Variants in NRG3 observed in about 807,000 individuals in gnomAD.
NRG3 encodes neuregulin 3.
A neutral mutation model predicts 66.9 loss-of-function variants in NRG3; 31 were observed. The ratio of observed to expected loss-of-function variants is 0.46; its 90% CI spans 0.35 to 0.63. NRG3 has a LOEUF of 0.63. Ranked by LOEUF, NRG3 falls within the 20% of genes least tolerant of loss-of-function variation. NRG3 has a pLI of 0.00. For synonymous variants in NRG3, 393 were observed against 359.4 expected, an observed-to-expected ratio of 1.09 and a Z score of -1.06; for missense variants, 910 against 878.9, an observed-to-expected ratio of 1.04 and a Z score of -0.45.
At chr10:82,971,607 T>G (rs1851748856) in intron 6 of NRG3, among the ~76,000 whole-genome samples, 1 of 152,042 alleles carries the variant, frequency 6.6e-6, no homozygotes, top group Non-Finnish European at 1.5e-5. Context: ...CAGCTAATTT[T>G]TGTACTTTTA....
At chr10:82,646,376 A>G (rs1038319942) in intron 2 of NRG3, among the ~76,000 whole-genome samples, 2 of 152,114 alleles carry the variant, frequency 1.3e-5, no homozygotes, top group African/African-American at 4.8e-5. Context: ...GGATGGGGAG[A>G]CTTCTCAACC....
At chr10:82,152,509 T>A (rs1160446905) in intron 1 of NRG3, among the ~76,000 whole-genome samples, 1 of 152,112 alleles carries the variant, frequency 6.6e-6, no homozygotes, top group Non-Finnish European at 1.5e-5. Flanking sequence ...TCTGAACTAT[T>A]TCTTTTTTTT....
intron 3 of NRG3, among the ~76,000 whole-genome samples, chr10:82,813,572 T>G (rs150517845): frequency 6.6e-6 from 1 of 152,200 alleles, no homozygotes; most frequent in African/African-American, 2.4e-5. Flanking sequence ...TGCTTCCATA[T>G]GAGACTTCCT....
intron 1 of NRG3, among the ~76,000 whole-genome samples, chr10:82,235,822 CGT>C (rs1176703051): frequency 2.0e-5 from 3 of 152,162 alleles, no homozygotes; most frequent in African/African-American, 4.8e-5. Flanking sequence ...AGTTGTCCAG[CGT>C]GTGTCACTTG....
chr10:82,410,650 C>A (rs1440436593), intron 2 of NRG3, among the ~76,000 whole-genome samples: 1 of 151,710 alleles, frequency 6.6e-6, no homozygotes, highest in Non-Finnish European at 1.5e-5. Flanking sequence ...GTACAACCTT[C>A]TGAATATTGT....
At chr10:82,100,205 A>G (rs1355899970) in intron 1 of NRG3, among the ~76,000 whole-genome samples, 1 of 152,098 alleles carries the variant, frequency 6.6e-6, no homozygotes, top group Non-Finnish European at 1.5e-5. Context: ...CATTGAAAAC[A>G]TATTGAAATA....
At chr10:82,429,348 T>C (rs542324125) in intron 2 of NRG3, among the ~76,000 whole-genome samples, 7 of 152,174 alleles carry the variant, frequency 4.6e-5, no homozygotes, top group East Asian at 3.9e-4. Context: ...TCCCCCTTTT[T>C]ATTTAGGTTG....
chr10:82,140,322 C>T (rs12249783), intron 1 of NRG3, among the ~76,000 whole-genome samples: 5 of 152,084 alleles, frequency 3.3e-5, no homozygotes, highest in African/African-American at 1.2e-4. Flanking sequence ...AGAAAAGTCT[C>T]TAAACAACTC....
intron 1 of NRG3, among the ~76,000 whole-genome samples, chr10:82,329,123 A>C (rs535124758): frequency 4.3e-4 from 66 of 152,320 alleles, no homozygotes; most frequent in African/African-American, 1.3e-3. Context: ...GGAGCATGGA[A>C]GAAAATATTA....
intron 1 of NRG3, among the ~76,000 whole-genome samples, chr10:82,088,078 A>G (rs1437570261): frequency 6.6e-6 from 1 of 152,142 alleles, no homozygotes; most frequent in Non-Finnish European, 1.5e-5. Flanking sequence ...CTGATTCATG[A>G]TGATTACATG....
intron 1 of NRG3, among the ~76,000 whole-genome samples, chr10:82,074,104 T>C (rs986922036): frequency 6.6e-6 from 1 of 150,468 alleles, no homozygotes; most frequent in Non-Finnish European, 1.5e-5. Context: ...GGTTTGGGAA[T>C]GAAGGACAAC....
intron 2 of NRG3, among the ~76,000 whole-genome samples, chr10:82,418,752 A>G (rs1174968172): frequency 1.3e-5 from 2 of 149,618 alleles, no homozygotes; most frequent in Non-Finnish European, 3.0e-5. Flanking sequence ...ACATGCCACC[A>G]TGCCCTGCTA....
At chr10:82,795,204 A>G (rs1446529975) in intron 3 of NRG3, among the ~76,000 whole-genome samples, 1 of 152,208 alleles carries the variant, frequency 6.6e-6, no homozygotes, top group East Asian at 1.9e-4. Flanking sequence ...TTATTGGTAT[A>G]ACAGAGGTAT....
rs754402538 is a variant in NRG3 at position 82,985,359 on chromosome 10, A to G, written c.1845A>G (p.Pro615=). 6.2e-7 allele frequency: 1 copy of G among 1,614,186 alleles called. No individual in the cohort carries two copies. Among genetic ancestry groups the G allele is most frequent in the Admixed American group, 1.7e-5 (1 of 60,018 alleles). The part of the protein sequence containing the change: ...YSADVVNVSI[P]VSDCLIAEQQ... Reference sequence around the variant, plus strand: ...CTGACGTTGTCAATGTGAGTATTCCAGTCAGCGATTGTCTTATAGCAGAAC... The same window carrying G: ...CTGACGTTGTCAATGTGAGTATTCCGGTCAGCGATTGTCTTATAGCAGAAC... The change falls in exon 9 of 9, where the codon CCA becomes CCG. Residue 615 remains proline, a synonymous_variant. Transcript: ENST00000372141.
At chr10:82,060,474 G>A (rs563694205) in intron 1 of NRG3, among the ~76,000 whole-genome samples, 36 of 152,306 alleles carry the variant, frequency 2.4e-4, no homozygotes, top group Non-Finnish European at 4.7e-4. Context: ...CTCCCTAAGA[G>A]TAGTAATTTT....
At chr10:82,911,239 A>T (rs983503512) in intron 4 of NRG3, among the ~76,000 whole-genome samples, 9 of 151,764 alleles carry the variant, frequency 5.9e-5, no homozygotes, top group African/African-American at 2.2e-4. Flanking sequence ...GTTTATAAGC[A>T]TTTTTTTTCA....
intron 3 of NRG3, among the ~76,000 whole-genome samples, chr10:82,839,013 C>G (rs973487182): frequency 1.3e-5 from 2 of 152,062 alleles, no homozygotes; most frequent in African/African-American, 4.8e-5. Context: ...TTATTCACTA[C>G]CACGAGAACA....
At chr10:82,460,307 T>C (rs2091454975) in intron 2 of NRG3, among the ~76,000 whole-genome samples, 1 of 152,190 alleles carries the variant, frequency 6.6e-6, no homozygotes, top group Admixed American at 6.5e-5. Flanking sequence ...TGCTTTGACT[T>C]CCCTTAGGCA....
intron 3 of NRG3, among the ~76,000 whole-genome samples, chr10:82,839,556 T>C (rs1203639628): frequency 6.6e-6 from 1 of 151,618 alleles, no homozygotes; most frequent in African/African-American, 2.4e-5. Flanking sequence ...TTTAATCTAC[T>C]ATGTATATGT....
Sources: gnomAD v4.1 joint callset for allele counts (sites outside exome capture counted in the v4.1 genomes callset) on GRCh38, gnomAD v4.1.1 for gene constraint, MANE v1.5 for transcripts, NCBI Gene and HGNC (gene_info 2026-07-23, HGNC 2026-07-21) for gene names.